TXNDC16: variants seen among roughly 807,000 people sequenced by gnomAD.
TXNDC16 encodes thioredoxin domain containing 16.
Under a neutral mutation model 85.6 loss-of-function variants are expected in TXNDC16, and 74 were observed. That is an observed-to-expected ratio of 0.86 (90% CI 0.72 to 1.05). The LOEUF is 1.05. TXNDC16 is among the 50% of genes least tolerant of loss of function. TXNDC16 has a pLI of 0.00. For synonymous variants in TXNDC16, 335 were observed against 326.5 expected (o/e 1.03, Z -0.28); for missense variants, 959 against 947.0 (o/e 1.01, Z -0.17).
intron 15 of TXNDC16, 86 bp downstream of exon 15, chr14:52,470,426 C>G: frequency 7.2e-7 from 1 of 1,396,668 alleles, no homozygotes; most frequent in Non-Finnish European, 9.7e-7. Context: ...CTTCCTTAAC[C>G]TATTTTAAGT....
chr14:52,448,229 T>C (rs1322195498), intron 18 of TXNDC16, among the ~76,000 whole-genome samples: 1 of 151,556 alleles, frequency 6.6e-6, no homozygotes, highest in Non-Finnish European at 1.5e-5. Flanking sequence ...CCAAAGAAGA[T>C]TACTTCAAGG....
chr14:52,539,665 A>G (rs1198106157), intron 4 of TXNDC16, among the ~76,000 whole-genome samples: 1 of 152,176 alleles, frequency 6.6e-6, no homozygotes, highest in African/African-American at 2.4e-5. Context: ...AGGAAGAAGT[A>G]AAAATGAAGG....
chr14:52,519,402 A>G (rs756093351), intron 6 of TXNDC16, 109 bp from the exon 7 acceptor site: 3 of 770,110 alleles, frequency 3.9e-6, no homozygotes, highest in Non-Finnish European at 4.2e-6. Context: ...CATTGAATAA[A>G]TTATCAGTAG....
intron 14 of TXNDC16, among the ~76,000 whole-genome samples, chr14:52,471,643 T>C (rs897608403): frequency 3.3e-5 from 5 of 152,148 alleles, no homozygotes; most frequent in Non-Finnish European, 7.3e-5. Context: ...GAGCAGGGAC[T>C]ATGTCTGTTT....
chr14:52,446,635 C>T (rs1475671831), intron 18 of TXNDC16, among the ~76,000 whole-genome samples: 2 of 152,146 alleles, frequency 1.3e-5, no homozygotes, highest in Non-Finnish European at 2.9e-5. Flanking sequence ...TAATCCCAGG[C>T]TGCACAGCTT....
intron 14 of TXNDC16, among the ~76,000 whole-genome samples, chr14:52,472,695 G>A (rs2035935749): frequency 6.6e-6 from 1 of 152,118 alleles, no homozygotes; most frequent in Admixed American, 6.5e-5. Context: ...AATCAGACCT[G>A]CTAAGTGACT....
intron 8 of TXNDC16, 52 bp from the exon 9 acceptor site, chr14:52,511,442 A>C (rs774511755): frequency 8.3e-7 from 1 of 1,210,060 alleles, no homozygotes. Context: ...TGATCCTTCT[A>C]CCATCCAATA....
At position 52,514,926 on chromosome 14, in the gene TXNDC16, A is replaced by T. The variant is rs2037044532; in HGVS notation, c.559T>A (p.Tyr187Asn). 6 of 1,613,030 alleles carry T rather than the reference A, an allele frequency of 3.7e-6. No homozygotes were observed. Among genetic ancestry groups the T allele is most frequent in the Middle Eastern group, 3.3e-4 (2 of 6,052 alleles). ...ATTTCTGTGGTTAAGACAAATTGGT[A>T]TGTAGTCCCATACACAAAAGCGGCT... The part of the protein sequence containing the change: ...MEAAFVYGTT[Y>N]QFVLTTEIAL... The change falls in exon 8 of 21, where the codon TAC becomes AAC. Residue 187 changes from tyrosine to asparagine, a missense_variant. Physicochemically the swap from Tyr to Asn is moderately radical, Grantham distance 143. Transcript: ENST00000281741.
chr14:52,545,237 G>A (rs1307446062), intron 1 of TXNDC16, among the ~76,000 whole-genome samples: 1 of 151,962 alleles, frequency 6.6e-6, no homozygotes, highest in Non-Finnish European at 1.5e-5. Flanking sequence ...TTTTCACCTA[G>A]AATGTATTTT....
intron 1 of TXNDC16, among the ~76,000 whole-genome samples, chr14:52,551,096 G>C (rs1055418381): frequency 6.6e-6 from 1 of 152,096 alleles, no homozygotes; most frequent in Non-Finnish European, 1.5e-5. Context: ...ACAGTGCTAG[G>C]CCTGTACATC....
At chr14:52,504,022 A>T (rs1158631111) in intron 9 of TXNDC16, among the ~76,000 whole-genome samples, 1 of 152,228 alleles carries the variant, frequency 6.6e-6, no homozygotes, top group Non-Finnish European at 1.5e-5. Context: ...AGAAGTTTAG[A>T]GAAAAAAGAA....
At chr14:52,520,122 A>G (rs1281790671) in intron 6 of TXNDC16, among the ~76,000 whole-genome samples, 1 of 152,156 alleles carries the variant, frequency 6.6e-6, no homozygotes, top group Non-Finnish European at 1.5e-5. Context: ...CCCATTCTTT[A>G]TTTGAAGAAA....
intron 6 of TXNDC16, among the ~76,000 whole-genome samples, chr14:52,526,106 CT>C (rs2037329855): frequency 6.6e-6 from 1 of 152,114 alleles, no homozygotes; most frequent in African/African-American, 2.4e-5. Flanking sequence ...TATTACCATT[CT>C]TAACCCCATC....
chr14:52,506,822 C>T (rs531139080), intron 9 of TXNDC16, among the ~76,000 whole-genome samples: 1 of 144,930 alleles, frequency 6.9e-6, no homozygotes, highest in Non-Finnish European at 1.5e-5. Flanking sequence ...TCCCAAAGTG[C>T]TGGGATTACA....
chr14:52,492,185 T>C (rs2036423105), intron 9 of TXNDC16, among the ~76,000 whole-genome samples: 1 of 152,182 alleles, frequency 6.6e-6, no homozygotes, highest in Non-Finnish European at 1.5e-5. Context: ...TCAGGGGTAT[T>C]AAGTAACCAA....
intron 6 of TXNDC16, among the ~76,000 whole-genome samples, chr14:52,529,581 TATA>T (rs1216664477): frequency 6.7e-5 from 7 of 104,354 alleles, no homozygotes; most frequent in East Asian, 3.0e-4. Context: ...ATATAATATA[TATA>T]ATGCCTATTA....
intron 18 of TXNDC16, among the ~76,000 whole-genome samples, chr14:52,448,960 A>C (rs1313918032): frequency 6.6e-6 from 1 of 152,086 alleles, no homozygotes; most frequent in African/African-American, 2.4e-5. Context: ...AAACAAATAC[A>C]CACAAAAAAA....
chr14:52,432,297 T>C lies in TXNDC16; in HGVS notation c.*7A>G. Reference sequence around the variant, plus strand: ...AAAAAAATTTTGGAAACCACAGCCCTATAAAATTAGTTCACTTTTGAGCAT... The same window carrying C: ...AAAAAAATTTTGGAAACCACAGCCCCATAAAATTAGTTCACTTTTGAGCAT... On this transcript the variant is annotated 3_prime_UTR_variant, in exon 21 of 21. Coordinates refer to ENST00000281741, the MANE Select transcript of TXNDC16 (RefSeq NM_020784.3). The C allele has an allele frequency of 6.3e-7, 1 of 1,595,052 alleles. No homozygotes were observed. The highest frequency in any genetic ancestry group is 8.5e-7 in the Non-Finnish European group (1 of 1,171,152).
At chr14:52,484,638 G>A (rs2036226069) in intron 12 of TXNDC16, among the ~76,000 whole-genome samples, 3 of 152,142 alleles carry the variant, frequency 2.0e-5, no homozygotes, top group Non-Finnish European at 4.4e-5. Flanking sequence ...CCAGCACTTT[G>A]GGGGGCCGAG....
Sources: gnomAD v4.1 joint callset for allele counts (sites outside exome capture counted in the v4.1 genomes callset) on GRCh38, gnomAD v4.1.1 for gene constraint, MANE v1.5 for transcripts, NCBI Gene and HGNC (gene_info 2026-07-23, HGNC 2026-07-21) for gene names.